Variants in TLK2 observed in about 807,000 individuals in gnomAD.
TLK2 encodes serine/threonine-protein kinase tousled-like 2.
TLK2 carries 6 observed loss-of-function variants against 117.3 expected under a neutral mutation model. That is an observed-to-expected ratio of 0.05 (90% CI 0.03 to 0.10). TLK2 has a LOEUF of 0.10. Ranked by LOEUF, TLK2 falls within the 10% of genes least tolerant of loss-of-function variation. The pLI is 1.00. For synonymous variants in TLK2, 257 were observed against 316.7 expected, an observed-to-expected ratio of 0.81 and a Z score of 2.00; for missense variants, 299 against 901.2, an observed-to-expected ratio of 0.33 and a Z score of 8.56.
chr17:62,484,044 G>A (rs1439661219), intron 2 of TLK2, among the ~76,000 whole-genome samples: 7 of 151,868 alleles, frequency 4.6e-5, no homozygotes, highest in Admixed American at 1.3e-4. Context: ...GGCTGATCTC[G>A]AACTCCCGAC....
intron 2 of TLK2, among the ~76,000 whole-genome samples, chr17:62,501,288 A>G (rs1260665228): frequency 6.6e-6 from 1 of 152,200 alleles, no homozygotes; most frequent in Non-Finnish European, 1.5e-5. Context: ...AAAACACAGT[A>G]TATCAAAATT....
At position 62,612,522 on chromosome 17, in the gene TLK2, T is replaced by C; in HGVS notation, c.2210T>C (p.Ile737Thr). ...VSTSSPAGAA[I>T]ASTSGASNNS... ...ACAAGTAGCCCTGCTGGAGCTGCTA[T>C]TGCATCAACCTCTGGGGCGTCCAAT... Residue 737 changes from isoleucine to threonine, a missense_variant, in exon 22 of 22, where the codon ATT becomes ACT. Around this residue, in one of 4 missense-constraint regions of TLK2, gnomAD observed 19 missense variants for 29.2 expected, o/e 0.65. Coordinates refer to ENST00000346027, the MANE Select transcript of TLK2 (RefSeq NM_006852.6). 1 of 1,614,170 alleles carries C rather than the reference T, an allele frequency of 6.2e-7. No homozygotes were observed. The highest frequency in any genetic ancestry group is 8.5e-7 in the Non-Finnish European group (1 of 1,180,020).
At position 62,553,720 on chromosome 17, in the gene TLK2, GAGA is replaced by G. The variant is rs779826427; in HGVS notation, c.691_693del (p.Lys231del). 21 of 1,608,624 alleles carry G rather than the reference GAGA, an allele frequency of 1.3e-5. No individual in the cohort carries two copies. Among genetic ancestry groups the G allele is most frequent in the East Asian group, 4.5e-5 (2 of 44,800 alleles). On this transcript the variant is annotated inframe_deletion, in exon 9 of 22. Coordinates refer to ENST00000346027, the MANE Select transcript of TLK2 (RefSeq NM_006852.6). ...AGAAAACAGTAAGAATTCTGACTTA[GAGA>G]AGAAGGAGGGAAGAATAGATGATTT...
At chr17:62,498,377 G>A (rs1050173585) in intron 2 of TLK2, among the ~76,000 whole-genome samples, 4 of 147,192 alleles carry the variant, frequency 2.7e-5, no homozygotes, top group African/African-American at 7.6e-5. Flanking sequence ...TGATAGTGTC[G>A]TAGAAAGCCC....
At chr17:62,536,360 T>G (rs777922072) in intron 7 of TLK2, 23 bp downstream of exon 7, 96 of 1,594,284 alleles carry the variant, frequency 6.0e-5, no homozygotes, top group Non-Finnish European at 7.5e-5. Context: ...CCTAAGTTAA[T>G]TCATATCCTT....
At chr17:62,584,107 G>GTTTTTTTTTT (rs572000997) in intron 15 of TLK2, among the ~76,000 whole-genome samples, 1 of 78,524 alleles carries the variant, frequency 1.3e-5, no homozygotes. Flanking sequence ...TTCTTTTGTG[G>GTTTTTTTTTT]TTTTTTTTTT....
chr17:62,527,899 C>A (rs1397073245), intron 6 of TLK2, among the ~76,000 whole-genome samples: 1 of 151,968 alleles, frequency 6.6e-6, no homozygotes, highest in South Asian at 2.1e-4. Flanking sequence ...CGCGCCACCA[C>A]GCCCAGCTAA....
chr17:62,602,325 G>A (rs1395254353), intron 19 of TLK2, 145 bp downstream of exon 19: 3 of 730,086 alleles, frequency 4.1e-6, no homozygotes, highest in Non-Finnish European at 6.3e-6. Flanking sequence ...AATCATTACT[G>A]TCTTTTCAAC....
chr17:62,512,252 GCT>G (rs1261688745), intron 2 of TLK2, among the ~76,000 whole-genome samples: 1 of 57,344 alleles, frequency 1.7e-5, no homozygotes, highest in East Asian at 5.5e-4. Flanking sequence ...ATGGAGTTTT[GCT>G]CTTATTGCCC....
At chr17:62,579,840 A>G (rs991464818) in intron 14 of TLK2, among the ~76,000 whole-genome samples, 12 of 152,178 alleles carry the variant, frequency 7.9e-5, no homozygotes, top group Admixed American at 5.2e-4. Flanking sequence ...GGGCAGAAAA[A>G]AGGAGGAGGA....
At chr17:62,548,240 A>ATATATATATATG (rs368516607) in intron 7 of TLK2, among the ~76,000 whole-genome samples, 77 of 121,284 alleles carry the variant, frequency 6.3e-4, no homozygotes, top group Middle Eastern at 4.7e-3. Flanking sequence ...ATATATATAT[A>ATATATATATATG]TGTGTGTGTG....
At chr17:62,572,979 C>T (rs2080434201) in intron 11 of TLK2, 1 of 430,524 alleles carries the variant, frequency 2.3e-6, no homozygotes, top group Non-Finnish European at 4.2e-6. Context: ...ATGTTCCTTC[C>T]TGTCCACTCT....
intron 2 of TLK2, among the ~76,000 whole-genome samples, chr17:62,482,342 TTTAG>T (rs1007537913): frequency 7.1e-5 from 8 of 112,732 alleles, no homozygotes; most frequent in African/African-American, 2.7e-4. Flanking sequence ...GATCTCGTGC[TTTAG>T]TTAGTAGCTT....
At chr17:62,533,348 A>G (rs1183854912) in intron 6 of TLK2, among the ~76,000 whole-genome samples, 2 of 143,880 alleles carry the variant, frequency 1.4e-5, no homozygotes, top group African/African-American at 2.6e-5. Flanking sequence ...ATGTTCCCAT[A>G]TGGTGTATTC....
At chr17:62,534,700 C>T (rs2076987465) in intron 6 of TLK2, among the ~76,000 whole-genome samples, 1 of 151,890 alleles carries the variant, frequency 6.6e-6, no homozygotes, top group African/African-American at 2.4e-5. Flanking sequence ...ATTTTTACTT[C>T]ATTTTTTTCT....
At chr17:62,556,933 A>G (rs1240757250) in intron 9 of TLK2, among the ~76,000 whole-genome samples, 6 of 152,012 alleles carry the variant, frequency 3.9e-5, no homozygotes, top group Non-Finnish European at 8.8e-5. Flanking sequence ...TATTGTTTAC[A>G]TTTTTATTTT....
chr17:62,586,100 A>T, intron 15 of TLK2, 35 bp from the exon 16 acceptor site: 1 of 1,520,292 alleles, frequency 6.6e-7, no homozygotes, highest in Non-Finnish European at 9.0e-7. Flanking sequence ...ATTTTTCTTA[A>T]CATTTACCCA....
At chr17:62,558,168 T>C (rs987679154) in intron 9 of TLK2, among the ~76,000 whole-genome samples, 16 of 152,158 alleles carry the variant, frequency 1.1e-4, no homozygotes, top group African/African-American at 3.6e-4. Context: ...TTTTTTTCTT[T>C]TTTTTAATTA....
intron 15 of TLK2, among the ~76,000 whole-genome samples, chr17:62,581,186 A>G (rs965118536): frequency 3.3e-5 from 5 of 152,096 alleles, no homozygotes; most frequent in African/African-American, 1.2e-4. Context: ...AATTTTTTCT[A>G]GAGACGGGGT....
Sources: allele counts gnomAD v4.1 joint callset (sites outside exome capture counted in the v4.1 genomes callset), GRCh38; gene constraint gnomAD v4.1.1; regional missense constraint gnomAD v4.1.1; transcripts MANE v1.5; gene names NCBI Gene and HGNC (gene_info 2026-07-23, HGNC 2026-07-21).